Variants in EPS15L1 observed in about 807,000 individuals in gnomAD.
The protein encoded by EPS15L1 is epidermal growth factor receptor substrate 15-like 1.
EPS15L1 carries 43 observed loss-of-function variants against 117.1 expected under a neutral mutation model. That is an observed-to-expected ratio of 0.37 (90% CI 0.29 to 0.47). The LOEUF (loss-of-function observed/expected upper bound fraction) is 0.47. Among genes scored for constraint, EPS15L1 ranks in the 20% least tolerant of loss-of-function variants. The pLI is 0.99. For synonymous variants in EPS15L1, 459 were observed against 470.5 expected (o/e 0.98, Z 0.32); for missense variants, 981 against 1,164.0 (o/e 0.84, Z 2.29).
chr19:16,459,109 C>CA (rs1238362968), intron 1 of EPS15L1, among the ~76,000 whole-genome samples: 4 of 152,200 alleles, frequency 2.6e-5, no homozygotes, highest in African/African-American at 9.7e-5. Flanking sequence ...CTAAACATAG[C>CA]AAAGGCACAG....
intron 7 of EPS15L1, among the ~76,000 whole-genome samples, chr19:16,433,946 G>C (rs1412918145): frequency 1.3e-5 from 2 of 151,004 alleles, no homozygotes; most frequent in Non-Finnish European, 2.9e-5. Flanking sequence ...CTAGGCAACA[G>C]AGCAAGACTC....
intron 20 of EPS15L1, 79 bp downstream of exon 20, chr19:16,386,092 G>T: frequency 1.8e-6 from 2 of 1,093,998 alleles, no homozygotes; most frequent in South Asian, 2.6e-5. Context: ...CTGGCTTTGG[G>T]AGTGAAAGTG....
chr19:16,466,894 ACT>A (rs1354666209), intron 1 of EPS15L1, among the ~76,000 whole-genome samples: 1 of 148,616 alleles, frequency 6.7e-6, no homozygotes, highest in East Asian at 2.0e-4. Flanking sequence ...CAAGAGTGAA[ACT>A]CTGTCTCAAA....
chr19:16,465,116 G>A (rs901188009), intron 1 of EPS15L1, among the ~76,000 whole-genome samples: 1 of 151,694 alleles, frequency 6.6e-6, no homozygotes, highest in Non-Finnish European at 1.5e-5. Context: ...ACCTCATAAT[G>A]TTTTAGGAAA....
At chr19:16,458,907 G>A (rs562444178) in intron 1 of EPS15L1, among the ~76,000 whole-genome samples, 13 of 152,270 alleles carry the variant, frequency 8.5e-5, no homozygotes, top group African/African-American at 2.4e-4. Flanking sequence ...GAGTTGCATC[G>A]TCAGGTTAAT....
intron 12 of EPS15L1, among the ~76,000 whole-genome samples, chr19:16,417,137 G>T (rs1256092984): frequency 6.6e-6 from 1 of 152,130 alleles, no homozygotes; most frequent in Non-Finnish European, 1.5e-5. Flanking sequence ...GCTGCCACAG[G>T]CTCTGCCCAT....
At chr19:16,450,401 T>C (rs1599670108) in intron 1 of EPS15L1, among the ~76,000 whole-genome samples, 2 of 151,386 alleles carry the variant, frequency 1.3e-5, no homozygotes, top group Admixed American at 6.6e-5. Flanking sequence ...GCCTTACCCC[T>C]GTGTCATGCC....
intron 1 of EPS15L1, among the ~76,000 whole-genome samples, chr19:16,444,405 G>C (rs984147783): frequency 6.6e-6 from 1 of 152,178 alleles, no homozygotes; most frequent in Admixed American, 6.5e-5. Context: ...GGTACAGGAA[G>C]GAGTGGCTAT....
rs1403028880 is a variant in EPS15L1, at chr19:16,381,041, C to T, written c.2248-3787G>A. 6.6e-6 allele frequency among the ~76,000 whole-genome samples: 1 copy of T among 152,226 alleles called. No individual in the cohort carries two copies. The highest frequency in any genetic ancestry group is 1.5e-5 in the Non-Finnish European group (1 of 68,028). On this transcript the variant is annotated intron_variant, in intron 21 of 23. Transcript: ENST00000455140. The surrounding 1 kb of genome is among the most constrained non-coding windows in gnomAD (Gnocchi z 4.2). ...CCATTCCAGGTCCCCCCGATAAGGGCAGTGGCAGGTGCCCCCAGGGAGGGG... is the reference window on the plus strand; with the variant it reads ...CCATTCCAGGTCCCCCCGATAAGGGTAGTGGCAGGTGCCCCCAGGGAGGGG...
Position 16,405,002 on chromosome 19 carries a change from G to C in EPS15L1, c.1267-253C>G, listed in dbSNP as rs1186189153. ...CTAACAGAGGCCAGGTGCGAGAGAA[G>C]GGGCTGGGTCCCTGTGAGAAAAAGG... On this transcript the variant is annotated intron_variant, in intron 13 of 23. Coordinates refer to ENST00000455140, the MANE Select transcript of EPS15L1 (RefSeq NM_001258374.3). The surrounding 1 kb of genome is among the most constrained non-coding windows in gnomAD (Gnocchi z 4.0). Among the ~76,000 whole-genome samples the C allele has an allele frequency of 6.6e-6, 1 of 152,222 alleles. No individual in the cohort carries two copies. Among genetic ancestry groups the C allele is most frequent in the Non-Finnish European group, 1.5e-5 (1 of 68,044 alleles).
chr19:16,394,535 T>C (rs2092519164), intron 17 of EPS15L1, among the ~76,000 whole-genome samples: 1 of 152,188 alleles, frequency 6.6e-6, no homozygotes, highest in Admixed American at 6.5e-5. Flanking sequence ...TTCTCAAAAA[T>C]GTAGAGAGCC....
upstream of EPS15L1, chr19:16,471,971 G>C: frequency 7.8e-7 from 1 of 1,278,406 alleles, no homozygotes; most frequent in Non-Finnish European, 9.9e-7. This position sits in a 1 kb window ranked among gnomAD's most constrained non-coding sequence, Gnocchi z 4.8. Context: ...GGCTCCGAGC[G>C]CCGGGGGAAC....
At chr19:16,446,722 G>C (rs1480832790) in intron 1 of EPS15L1, among the ~76,000 whole-genome samples, 1 of 152,134 alleles carries the variant, frequency 6.6e-6, no homozygotes, top group Non-Finnish European at 1.5e-5. Context: ...CGGACCACAG[G>C]ACAGCCTCAT....
chr19:16,464,402 A>T (rs1243127842), intron 1 of EPS15L1, among the ~76,000 whole-genome samples: 1 of 152,186 alleles, frequency 6.6e-6, no homozygotes, highest in Non-Finnish European at 1.5e-5. Context: ...TCAGCTCCTC[A>T]GCCCCCACCA....
chr19:16,430,007 A>T (rs1345343882), intron 7 of EPS15L1, among the ~76,000 whole-genome samples: 2 of 152,238 alleles, frequency 1.3e-5, no homozygotes, highest in Non-Finnish European at 2.9e-5. Context: ...AAATGTCCCC[A>T]GACATTGCCC....
chr19:16,431,395 C>A (rs1202070750), intron 7 of EPS15L1, among the ~76,000 whole-genome samples: 1 of 151,306 alleles, frequency 6.6e-6, no homozygotes, highest in Non-Finnish European at 1.5e-5. Flanking sequence ...CCTCTGCCTC[C>A]CAGATTCAAG....
At chr19:16,455,903 C>A (rs1313823896) in intron 1 of EPS15L1, among the ~76,000 whole-genome samples, 3 of 152,172 alleles carry the variant, frequency 2.0e-5, no homozygotes, top group African/African-American at 7.2e-5. Context: ...CCACCCTTCG[C>A]ATAAAACCTC....
chr19:16,431,310 CTT>C (rs1047024571), intron 7 of EPS15L1, among the ~76,000 whole-genome samples: 1 of 142,866 alleles, frequency 7.0e-6, no homozygotes. Context: ...GGTATACATT[CTT>C]TTTTTTTTTG....
At chr19:16,422,742 A>T (rs1205766541) in intron 9 of EPS15L1, among the ~76,000 whole-genome samples, 6 of 152,122 alleles carry the variant, frequency 3.9e-5, no homozygotes, top group Non-Finnish European at 8.8e-5. Flanking sequence ...GGATCACCTG[A>T]GGCCAGGAGT....
Sources: gnomAD v4.1 joint callset for allele counts (sites outside exome capture counted in the v4.1 genomes callset) on GRCh38, gnomAD v4.1.1 for gene constraint, Gnocchi (gnomAD v3.1) non-coding constraint, MANE v1.5 for transcripts, NCBI Gene and HGNC (gene_info 2026-07-23, HGNC 2026-07-21) for gene names.